Variants in TAFA4 observed in about 807,000 individuals in gnomAD.
TAFA4 encodes the protein TAFA chemokine like family member 4.
In TAFA4, 20 loss-of-function variants were observed where a neutral mutation model predicts 21.1. The ratio of observed to expected loss-of-function variants is 0.95; its 90% CI spans 0.67 to 1.38. The LOEUF (loss-of-function observed/expected upper bound fraction) is 1.38, where lower values mean the gene tolerates loss of function less well. Ranked by LOEUF, TAFA4 falls within the 40% of genes most tolerant of loss-of-function variation. The pLI, the probability that TAFA4 is intolerant of heterozygous loss-of-function variation, is 0.00. For missense variants in TAFA4, 211 were observed against 180.9 expected (o/e 1.17, Z -0.95); for synonymous variants, 71 against 67.4 (o/e 1.05, Z -0.26).
intron 3 of TAFA4, among the ~76,000 whole-genome samples, chr3:68,800,757 G>C (rs1014642840): frequency 6.6e-6 from 1 of 152,206 alleles, no homozygotes; most frequent in Non-Finnish European, 1.5e-5. Flanking sequence ...CAAAACTTAG[G>C]AGAAAAGAAA....
At chr3:68,914,889 C>T (rs1413578227) in intron 1 of TAFA4, among the ~76,000 whole-genome samples, 1 of 152,110 alleles carries the variant, frequency 6.6e-6, no homozygotes, top group African/African-American at 2.4e-5. Flanking sequence ...TTTATTGATA[C>T]ATGAAAGTTA....
At position 68,843,678 on chromosome 3, in the gene TAFA4, T is replaced by A. The variant is rs1431920638; in HGVS notation, c.130+37052A>T. On this transcript the variant is annotated intron_variant, in intron 3 of 5. Coordinates refer to ENST00000295569, the MANE Select transcript of TAFA4 (RefSeq NM_182522.5). The stretch of plus-strand genomic sequence containing the variant: ...CTGTCATAAATAGCTCTTATTATTT[T>A]GAGATACGGTCCACCAATACCTAGT... Among the ~76,000 whole-genome samples, 6 of 152,368 alleles carry A rather than the reference T, an allele frequency of 3.9e-5. No homozygotes were observed. The East Asian group carries it at 1.2e-3, about 29-fold the overall frequency.
chr3:68,830,437 C>G (rs1009306842), intron 3 of TAFA4, among the ~76,000 whole-genome samples: 1 of 152,146 alleles, frequency 6.6e-6, no homozygotes, highest in Non-Finnish European at 1.5e-5. Flanking sequence ...GCCTTCATTT[C>G]GTTATTTACC....
intron 5 of TAFA4, among the ~76,000 whole-genome samples, chr3:68,735,393 A>G (rs1473912949): frequency 3.3e-5 from 5 of 152,114 alleles, no homozygotes; most frequent in Admixed American, 6.6e-5. Context: ...GTATAAGCCA[A>G]TTAAAGGTGA....
intron 3 of TAFA4, among the ~76,000 whole-genome samples, chr3:68,757,876 CT>C (rs1404188630): frequency 1.3e-5 from 2 of 152,128 alleles, no homozygotes; most frequent in African/African-American, 4.8e-5. Context: ...TATCTCACAA[CT>C]GATGGCATCT....
intron 3 of TAFA4, among the ~76,000 whole-genome samples, chr3:68,768,735 T>C (rs780369787): frequency 1.3e-5 from 2 of 152,090 alleles, no homozygotes; most frequent in Admixed American, 6.6e-5. Flanking sequence ...ATCGTATATA[T>C]ACACAATGGC....
At chr3:68,892,392 T>G (rs2089738915) in intron 1 of TAFA4, among the ~76,000 whole-genome samples, 2 of 152,204 alleles carry the variant, frequency 1.3e-5, no homozygotes, top group Admixed American at 6.5e-5. Flanking sequence ...CAATACCATC[T>G]CATCTAAATT....
At chr3:68,923,824 G>A (rs2090081633) in intron 1 of TAFA4, among the ~76,000 whole-genome samples, 1 of 152,068 alleles carries the variant, frequency 6.6e-6, no homozygotes, top group Non-Finnish European at 1.5e-5. Context: ...AACGTTTCTT[G>A]AGTTCAAAGA....
At chr3:68,922,215 G>A (rs1422511447) in intron 1 of TAFA4, among the ~76,000 whole-genome samples, 2 of 152,182 alleles carry the variant, frequency 1.3e-5, no homozygotes, top group African/African-American at 2.4e-5. Context: ...AAGCTTGGAA[G>A]CATCGGCACC....
chr3:68,767,198 A>T (rs1702871402), intron 3 of TAFA4, among the ~76,000 whole-genome samples: 1 of 152,178 alleles, frequency 6.6e-6, no homozygotes, highest in African/African-American at 2.4e-5. Flanking sequence ...TCATTAACAC[A>T]ATTATTTAAT....
chr3:68,836,781 C>G (rs1215743828), intron 3 of TAFA4, among the ~76,000 whole-genome samples: 1 of 150,226 alleles, frequency 6.7e-6, no homozygotes, highest in Non-Finnish European at 1.5e-5. Context: ...GATTGGAGTC[C>G]AGGGGTCAGG....
chr3:68,818,316 G>C (rs1704032895), intron 3 of TAFA4, among the ~76,000 whole-genome samples: 1 of 152,190 alleles, frequency 6.6e-6, no homozygotes, highest in South Asian at 2.1e-4. Context: ...TGTTACTAGA[G>C]TGTTGAGGCT....
chr3:68,732,405 A>G lies in TAFA4; in HGVS notation c.*737T>C, dbSNP rs1328958221. 2 of 152,626 alleles carry G rather than the reference A, an allele frequency of 1.3e-5. No individual in the cohort carries two copies. Among genetic ancestry groups the G allele is most frequent in the Non-Finnish European group, 2.9e-5 (2 of 68,026 alleles). The allele number at this position is 152,626 out of a possible 1,614,324, so 9.5% of individuals were successfully genotyped here. A position where few individuals can be genotyped will look rare whatever the true frequency, so the allele number is the denominator to read the frequency against. ...AGCCGTAAAAATTCCAACAAGTTTT[A>G]TAAATATGTTCTGATAGAGCTTTGG... On this transcript the variant is annotated 3_prime_UTR_variant, in exon 6 of 6. Coordinates refer to ENST00000295569, the MANE Select transcript of TAFA4 (RefSeq NM_182522.5).
At chr3:68,771,018 G>A (rs558189983) in intron 3 of TAFA4, among the ~76,000 whole-genome samples, 21 of 152,236 alleles carry the variant, frequency 1.4e-4, no homozygotes, top group East Asian at 1.9e-4. Context: ...AGAACGACTC[G>A]GACACCAAGG....
intron 3 of TAFA4, among the ~76,000 whole-genome samples, chr3:68,848,854 G>T (rs1366619954): frequency 6.6e-6 from 1 of 152,030 alleles, no homozygotes; most frequent in Admixed American, 6.6e-5. Flanking sequence ...GTGACAGGCT[G>T]TCTCCTTTCC....
chr3:68,787,202 A>G (rs1350978160), intron 3 of TAFA4, among the ~76,000 whole-genome samples: 1 of 152,198 alleles, frequency 6.6e-6, no homozygotes, highest in Non-Finnish European at 1.5e-5. Flanking sequence ...AGGTATCAAT[A>G]AAGCTAATGT....
intron 3 of TAFA4, among the ~76,000 whole-genome samples, chr3:68,868,502 A>C (rs1163857880): frequency 6.6e-6 from 1 of 152,024 alleles, no homozygotes; most frequent in Admixed American, 6.6e-5. Context: ...ATGTTGAGTG[A>C]CAAAACAAGT....
rs1702167680 is a variant in TAFA4, at chr3:68,732,507, A to T, written c.*635T>A. On this transcript the variant is annotated 3_prime_UTR_variant, in exon 6 of 6. Coordinates refer to ENST00000295569, the MANE Select transcript of TAFA4 (RefSeq NM_182522.5). ...ATTGAAGTTAAAACGCTCTCATTTT[A>T]TCTCTGCTAACTGGAAAATGGAAAG... 6.6e-6 allele frequency: 1 copy of T among 152,576 alleles called. No individual in the cohort carries two copies. The highest frequency in any genetic ancestry group is 1.5e-5 in the Non-Finnish European group (1 of 68,020). The allele number at this position is 152,576 out of a possible 1,614,324, so 9.5% of individuals were successfully genotyped here. A position where few individuals can be genotyped will look rare whatever the true frequency, so the allele number is the denominator to read the frequency against.
intron 3 of TAFA4, among the ~76,000 whole-genome samples, chr3:68,824,022 G>GA (rs1704170120): frequency 6.6e-6 from 1 of 152,104 alleles, no homozygotes; most frequent in African/African-American, 2.4e-5. Flanking sequence ...CTGCCAAAGG[G>GA]ATCCATGACT....
Sources: allele counts gnomAD v4.1 joint callset (sites outside exome capture counted in the v4.1 genomes callset), GRCh38; gene constraint gnomAD v4.1.1; transcripts MANE v1.5; gene names NCBI Gene and HGNC (gene_info 2026-07-23, HGNC 2026-07-21).